TJP2: variants seen among roughly 807,000 people sequenced by gnomAD.
TJP2 encodes Friedreich ataxia region gene X104 (tight junction protein ZO-2).
In TJP2, 91 loss-of-function variants were observed where a neutral mutation model predicts 133.1. The observed-to-expected ratio is 0.68, with a 90% CI of 0.58 to 0.81. The LOEUF is 0.81. Ranked by LOEUF, TJP2 falls within the 40% of genes least tolerant of loss-of-function variation. The pLI, the probability that TJP2 is intolerant of heterozygous loss-of-function variation, is 0.00. For missense variants in TJP2, 1,541 were observed against 1,565.6 expected (o/e 0.98, Z 0.26); for synonymous variants, 592 against 583.4 (o/e 1.01, Z -0.21).
intron 1 of TJP2, among the ~76,000 whole-genome samples, chr9:69,209,970 GA>G (rs1336150367): frequency 5.9e-5 from 9 of 151,906 alleles, no homozygotes; most frequent in Non-Finnish European, 1.3e-4. Flanking sequence ...AGAGAGCCAC[GA>G]ATTTGATACA....
chr9:69,174,195 G>A, upstream of TJP2: 2 of 1,393,248 alleles, frequency 1.4e-6, no homozygotes, highest in South Asian at 1.6e-5. Flanking sequence ...TCGGGGGCGG[G>A]CTGACGCCGC....
intron 22 of TJP2, chr9:69,253,304 G>A (rs1831474081): frequency 4.4e-6 from 1 of 226,754 alleles, no homozygotes; most frequent in Non-Finnish European, 8.8e-6. Context: ...TGCTGCCCTG[G>A]GGTCTAAAGG....
At position 69,221,168 on chromosome 9, in the gene TJP2, C is replaced by T. The variant is rs770550759; in HGVS notation, c.624C>T (p.Asp208=). The T allele has an allele frequency of 1.3e-6, 2 of 1,597,230 alleles. No individual in the cohort carries two copies. Among genetic ancestry groups the T allele is most frequent in the Non-Finnish European group, 8.5e-7 (1 of 1,171,602 alleles). The change falls in exon 5 of 23, where the codon GAC becomes GAT. Residue 208 remains aspartate, a synonymous_variant. Coordinates refer to ENST00000377245, the MANE Select transcript of TJP2 (RefSeq NM_004817.4). The part of the protein sequence containing the change: ...GRSLERGLDQ[D]HARTRDRSRG... Reference sequence around the variant, plus strand: ...GCCTGGAGCGGGGCCTGGACCAAGACCATGCGCGCACCCGAGACCGCAGCC... The same window carrying T: ...GCCTGGAGCGGGGCCTGGACCAAGATCATGCGCGCACCCGAGACCGCAGCC...
chr9:69,157,173 T>TGGTTTA (rs1309304670), intron 2 of TJP2, among the ~76,000 whole-genome samples: 2 of 152,184 alleles, frequency 1.3e-5, no homozygotes, highest in East Asian at 1.9e-4. Context: ...ATTTTATTTT[T>TGGTTTA]GGTTTATAGA....
At chr9:69,211,114 T>G (rs1588066597) in intron 1 of TJP2, among the ~76,000 whole-genome samples, 1 of 152,124 alleles carries the variant, frequency 6.6e-6, no homozygotes, top group South Asian at 2.1e-4. Flanking sequence ...CCGAGGCAGG[T>G]GGATCACAAG....
chr9:69,254,365 A>G lies in TJP2; in HGVS notation c.3564A>G (p.Thr1188=). The stretch of plus-strand genomic sequence containing the variant: ...GCCAGTCTGCCCGATACCGGGACAC[A>G]GAATTATAGATGTCTGAGCACGGAC... ...YYGQSARYRD[T]EL Residue 1188 remains threonine, a synonymous_variant, in exon 23 of 23, where the codon ACA becomes ACG. Coordinates refer to ENST00000377245, the MANE Select transcript of TJP2 (RefSeq NM_004817.4). 6.2e-7 allele frequency: 1 copy of G among 1,614,170 alleles called. No individual in the cohort carries two copies. The highest frequency in any genetic ancestry group is 2.2e-5 in the East Asian group (1 of 44,874).
At position 69,221,241 on chromosome 9, in the gene TJP2, C is replaced by T. The variant is rs978820257; in HGVS notation, c.697C>T (p.Arg233Trp). The T allele has an allele frequency of 6.2e-6, 10 of 1,607,046 alleles. No individual in the cohort carries two copies. Among genetic ancestry groups the T allele is most frequent in the South Asian group, 1.1e-5 (1 of 90,118 alleles). Residue 233 changes from arginine (R) to tryptophan (W), a missense_variant, in exon 5 of 23, where the codon CGG becomes TGG. By Grantham distance (101) the Arg-to-Trp change is moderately radical. Coordinates refer to ENST00000377245, the MANE Select transcript of TJP2 (RefSeq NM_004817.4). ...RGLDHDFGPS[R>W]DRDRDRSRGR... The stretch of plus-strand genomic sequence containing the variant: ...CCTGGACCACGACTTTGGGCCATCC[C>T]GGGACCGGGACCGTGACCGCAGCCG...
At chr9:69,207,209 A>G (rs1314655436) in intron 1 of TJP2, among the ~76,000 whole-genome samples, 2 of 152,252 alleles carry the variant, frequency 1.3e-5, no homozygotes, top group Non-Finnish European at 2.9e-5. Flanking sequence ...ACCAAAATTT[A>G]CTGTCTGTAC....
At chr9:69,230,993 A>C (rs1222325956) in intron 11 of TJP2, among the ~76,000 whole-genome samples, 1 of 152,088 alleles carries the variant, frequency 6.6e-6, no homozygotes, top group Non-Finnish European at 1.5e-5. Flanking sequence ...AAATAACTCA[A>C]CTTGACATTT....
At chr9:69,134,064 C>T (rs1409676983) in intron 1 of TJP2, among the ~76,000 whole-genome samples, 2 of 152,190 alleles carry the variant, frequency 1.3e-5, no homozygotes, top group East Asian at 1.9e-4. Context: ...ATCCGTATTA[C>T]AGCATGCTGG....
chr9:69,133,425 C>T (rs1320336767), intron 1 of TJP2, among the ~76,000 whole-genome samples: 1 of 152,178 alleles, frequency 6.6e-6, no homozygotes, highest in Non-Finnish European at 1.5e-5. Flanking sequence ...CATCTTCACT[C>T]TGCAAGTCAC....
chr9:69,204,178 T>C (rs1263551374), intron 1 of TJP2, among the ~76,000 whole-genome samples: 1 of 152,218 alleles, frequency 6.6e-6, no homozygotes, highest in Non-Finnish European at 1.5e-5. Context: ...CTCCAGATCT[T>C]GTGACTTTAA....
chr9:69,221,304 C>T lies in TJP2; in HGVS notation c.760C>T (p.His254Tyr), dbSNP rs768173683. ...SIDQDYERAY[H>Y]RAYDPDYERA... ...TGACCAGGACTACGAGCGAGCCTATCACCGGGCCTACGACCCAGACTACGA... is the reference window on the plus strand; with the variant it reads ...TGACCAGGACTACGAGCGAGCCTATTACCGGGCCTACGACCCAGACTACGA... Residue 254 changes from histidine (H) to tyrosine (Y), a missense_variant, in exon 5 of 23, where the codon CAC (histidine) becomes TAC (tyrosine). Transcript: ENST00000377245. 3 of 1,605,794 alleles carry T rather than the reference C, an allele frequency of 1.9e-6. No individual in the cohort carries two copies. The African/African-American group carries it at 4.0e-5, about 21-fold the overall frequency.
chr9:69,179,167 T>C (rs983151786), intron 1 of TJP2, among the ~76,000 whole-genome samples: 2 of 152,242 alleles, frequency 1.3e-5, no homozygotes, highest in Admixed American at 6.5e-5. Flanking sequence ...GTGATGTGTG[T>C]GTTCACACCA....
chr9:69,137,271 T>TTTTCTTTC lies in TJP2; in HGVS notation c.-130-14356_-130-14349dup, dbSNP rs71507118. Among the ~76,000 whole-genome samples the TTTTCTTTC allele has an allele frequency of 4.7e-3, 436 of 91,956 alleles. 7 individuals are homozygous for TTTTCTTTC. The highest frequency in any genetic ancestry group is 0.015 in the African/African-American group (297 of 20,076). 60.3% of individuals were successfully genotyped at this position (91,956 alleles called of 152,430 possible). ...TCTCTTTCTTTCTTTCTTTCTTTCT[T>TTTTCTTTC]TTTCTTTCTTTCTTTCTTTCTTTCT... is the stretch of plus-strand genomic sequence containing the variant. On this transcript the variant is annotated intron_variant, in intron 1 of 5. Coordinates refer to the TJP2 transcript ENST00000423935.
In TJP2 at chr9:69,249,437, A is replaced by C. The variant is rs112917902; in HGVS notation, c.2943A>C (p.Gln981His). ...TGAGGAGGGCTGCTAGCAGCGATCAACTTAGGGACAATAGCCCGCCCCCAG... is the reference window on the plus strand; with the variant it reads ...TGAGGAGGGCTGCTAGCAGCGATCACCTTAGGGACAATAGCCCGCCCCCAG... ...AQMRRAASSDQLRDNSPPPAF... is the reference protein window; with the variant it reads ...AQMRRAASSDHLRDNSPPPAF... Residue 981 changes from glutamine (Q) to histidine (H), a missense_variant, in exon 20 of 23, where the codon CAA (glutamine) becomes CAC (histidine). Physicochemically the swap from Gln to His is conservative, Grantham distance 24 (BLOSUM62 0). Transcript: ENST00000377245. The C allele has an allele frequency of 1.7e-5, 28 of 1,611,672 alleles. No homozygotes were observed. In the African/African-American group the frequency reaches 2.4e-4, roughly 14 times the overall value.
At chr9:69,135,027 G>A (rs902482805) in intron 1 of TJP2, among the ~76,000 whole-genome samples, 4 of 151,826 alleles carry the variant, frequency 2.6e-5, no homozygotes, top group Non-Finnish European at 4.4e-5. Context: ...TCTTGTTGTA[G>A]GGACACTAAT....
chr9:69,241,712 C>T (rs1177732009), intron 17 of TJP2, among the ~76,000 whole-genome samples: 1 of 152,130 alleles, frequency 6.6e-6, no homozygotes, highest in Non-Finnish European at 1.5e-5. Flanking sequence ...ATTATAGCAA[C>T]AGTAAAGAGT....
chr9:69,248,713 A>T, intron 19 of TJP2: 1 of 1,000,148 alleles, frequency 1.0e-6, no homozygotes, highest in Non-Finnish European at 1.2e-6. Flanking sequence ...TTCATGATCA[A>T]ACCTTCATCT....
Sources: allele counts gnomAD v4.1 joint callset (sites outside exome capture counted in the v4.1 genomes callset), GRCh38; gene constraint gnomAD v4.1.1; transcripts MANE v1.5; gene names NCBI Gene and HGNC (gene_info 2026-07-23, HGNC 2026-07-21).